Variants in ERI1 observed in about 807,000 individuals in gnomAD.
ERI1 encodes the protein exoribonuclease 1, also known as 3'-5' exoribonuclease 1.
A neutral mutation model predicts 39.7 loss-of-function variants in ERI1; 39 were observed. The observed-to-expected ratio is 0.98, with a 90% confidence interval of 0.76 to 1.28. The LOEUF is 1.28. ERI1 is among the 50% of genes most tolerant of loss of function. The pLI is 0.00. For missense variants in ERI1, 581 were observed against 416.9 expected (o/e 1.39, Z -3.43); for synonymous variants, 204 against 149.6 (o/e 1.36, Z -2.65).
intron 3 of ERI1, among the ~76,000 whole-genome samples, chr8:9,038,485 T>A (rs1797920144): frequency 6.6e-6 from 1 of 152,244 alleles, no homozygotes; most frequent in Non-Finnish European, 1.5e-5. Flanking sequence ...TATGGCTGAG[T>A]GCAGTGGCAC....
At chr8:9,020,846 G>C (rs752303112) in intron 6 of ERI1, among the ~76,000 whole-genome samples, 2 of 152,174 alleles carry the variant, frequency 1.3e-5, no homozygotes, top group Non-Finnish European at 2.9e-5. Context: ...GCAGTCTTCT[G>C]CCATAGCCTT....
At chr8:9,051,686 G>T (rs889676690) in intron 3 of ERI1, among the ~76,000 whole-genome samples, 34 of 152,100 alleles carry the variant, frequency 2.2e-4, no homozygotes, top group African/African-American at 7.9e-4. Flanking sequence ...ACGACTAAGG[G>T]AAACGCCTTC....
chr8:9,070,476 A>G (rs1396131768), intron 3 of ERI1, among the ~76,000 whole-genome samples: 1 of 152,196 alleles, frequency 6.6e-6, no homozygotes, highest in South Asian at 2.1e-4. Context: ...CAACAGAATA[A>G]GACCTTGTCT....
At chr8:9,062,193 G>C (rs1798722033) in intron 3 of ERI1, among the ~76,000 whole-genome samples, 1 of 152,124 alleles carries the variant, frequency 6.6e-6, no homozygotes, top group Non-Finnish European at 1.5e-5. Flanking sequence ...TATTGGCATT[G>C]AGTGGGTAAG....
rs1316437304 is a variant in ERI1, at chr8:9,029,935, A to G, written c.951A>G (p.Arg317=). The change falls in exon 7 of 7, where the codon CGA becomes CGG. Residue 317 remains arginine (R), a synonymous_variant. Coordinates refer to ENST00000250263, the MANE Select transcript of ERI1 (RefSeq NM_153332.4). Reference sequence around the variant, plus strand: ...TGCTTCAGGATGGGTGTGAACTCCGAATCAACGAGAAAATGCATGCAGGAC... The same window carrying G: ...TGCTTCAGGATGGGTGTGAACTCCGGATCAACGAGAAAATGCATGCAGGAC... ...VRMLQDGCEL[R]INEKMHAGQL... is the part of the protein sequence containing the mutation. 1.2e-6 allele frequency: 2 copies of G among 1,614,156 alleles called. No homozygotes were observed. The highest frequency in any genetic ancestry group is 4.5e-5 in the East Asian group (2 of 44,868).
chr8:9,066,063 C>G (rs1798865367), intron 3 of ERI1, among the ~76,000 whole-genome samples: 1 of 152,174 alleles, frequency 6.6e-6, no homozygotes, highest in African/African-American at 2.4e-5. Flanking sequence ...GATATCAACA[C>G]CACTATCTTC....
intron 6 of ERI1, among the ~76,000 whole-genome samples, chr8:9,023,793 CTTTTTTTT>C (rs3083379): frequency 5.0e-5 from 4 of 80,532 alleles, no homozygotes; most frequent in Non-Finnish European, 6.4e-5. Flanking sequence ...GTAAAAATGA[CTTTTTTTT>C]TTTTTTTTTT....
At chr8:9,038,687 G>C (rs1166402032) in intron 3 of ERI1, among the ~76,000 whole-genome samples, 1 of 152,204 alleles carries the variant, frequency 6.6e-6, no homozygotes, top group African/African-American at 2.4e-5. Flanking sequence ...AGCCCAGCAG[G>C]TGGAGGCTAC....
At chr8:9,015,885 G>A (rs1285054089) in intron 3 of ERI1, among the ~76,000 whole-genome samples, 1 of 151,998 alleles carries the variant, frequency 6.6e-6, no homozygotes, top group Non-Finnish European at 1.5e-5. Context: ...TGAAAATAAA[G>A]ACTATTCAGG....
intron 3 of ERI1, among the ~76,000 whole-genome samples, chr8:9,040,367 T>C (rs1032157840): frequency 1.3e-5 from 2 of 152,120 alleles, no homozygotes; most frequent in African/African-American, 4.8e-5. Flanking sequence ...TAAGCTGACT[T>C]GAGACTTTCC....
In ERI1 at chr8:9,014,067, A is replaced by G. The variant is rs77674677; in HGVS notation, c.499-2255A>G. Among the ~76,000 whole-genome samples the G allele has an allele frequency of 4.8e-4, 73 of 152,304 alleles. No homozygotes were observed. In the East Asian group the frequency reaches 6.7e-3, roughly 14 times the overall value. ...TCACCCCTCTGCTCAAAACCCTGCA[A>G]TGGCTCCTCATTTAACTCAGAGTAC... On this transcript the variant is annotated intron_variant, in intron 3 of 6. Transcript: ENST00000250263.
At chr8:9,003,248 CA>C in intron 1 of ERI1, 77 bp downstream of exon 1, 1 of 889,040 alleles carries the variant, frequency 1.1e-6, no homozygotes, top group Non-Finnish European at 1.5e-6. Context: ...CCTTTCTTCT[CA>C]GGTGTCCCGC....
chr8:9,093,523 G>T (rs986720628), intron 3 of ERI1, among the ~76,000 whole-genome samples: 2 of 120,584 alleles, frequency 1.7e-5, no homozygotes, highest in East Asian at 2.3e-4. Flanking sequence ...AAAAAAAAAA[G>T]AAGAAGAAGA....
chr8:9,028,777 C>G (rs1175587521), intron 6 of ERI1, among the ~76,000 whole-genome samples: 1 of 152,046 alleles, frequency 6.6e-6, no homozygotes, highest in African/African-American at 2.4e-5. Context: ...GCGCACGCCA[C>G]CATAGCCAGA....
chr8:9,040,217 A>G lies in ERI1; in HGVS notation n.299+19753A>G, dbSNP rs375577057. Among the ~76,000 whole-genome samples the G allele has an allele frequency of 7.9e-5, 12 of 152,260 alleles. 1 individual carries two copies. The highest frequency in any genetic ancestry group is 1.9e-4 in the East Asian group (1 of 5,160). ...GGAGTCTTGGAGAGGGAAGTGGCCA[A>G]TTTGTTCAATAAAAATCATTACTTT... On this transcript the variant is annotated intron_variant and non_coding_transcript_variant, in intron 3 of 3. Coordinates refer to the ERI1 transcript ENST00000518663.
chr8:9,027,250 G>C (rs1293883946), intron 6 of ERI1, among the ~76,000 whole-genome samples: 1 of 151,716 alleles, frequency 6.6e-6, no homozygotes, highest in Non-Finnish European at 1.5e-5. Flanking sequence ...AATGATTAGT[G>C]ATGTTGAGCA....
chr8:9,094,760 A>T (rs1799822587), intron 3 of ERI1, among the ~76,000 whole-genome samples: 1 of 152,194 alleles, frequency 6.6e-6, no homozygotes, highest in African/African-American at 2.4e-5. Context: ...CCTAACACTT[A>T]ACAATGGCAG....
At chr8:9,078,670 T>C (rs1401413874) in intron 3 of ERI1, among the ~76,000 whole-genome samples, 1 of 152,186 alleles carries the variant, frequency 6.6e-6, no homozygotes, top group African/African-American at 2.4e-5. Flanking sequence ...CATCTGTGCA[T>C]ATAAATGCAT....
chr8:9,015,722 CAAAAAA>C (rs758835506), intron 3 of ERI1, among the ~76,000 whole-genome samples: 4 of 56,576 alleles, frequency 7.1e-5, no homozygotes, highest in South Asian at 8.1e-4. Context: ...ACTCTGTCTC[CAAAAAA>C]AAAAAAAAAA....
Sources: allele counts gnomAD v4.1 joint callset (sites outside exome capture counted in the v4.1 genomes callset), GRCh38; gene constraint gnomAD v4.1.1; transcripts MANE v1.5; gene names NCBI Gene and HGNC (gene_info 2026-07-23, HGNC 2026-07-21).